The following CACNA1A variants were observed in gnomAD, a reference collection of about 807,000 sequenced individuals.
CACNA1A encodes the protein calcium voltage-gated channel subunit alpha1 A, also known as voltage-dependent P/Q-type calcium channel subunit alpha-1A.
In CACNA1A, 57 loss-of-function variants were observed where a neutral mutation model predicts 262.4. That is an observed-to-expected ratio of 0.22 (90% confidence interval 0.18 to 0.27). The LOEUF is 0.27. Among genes scored for constraint, CACNA1A ranks in the 10% least tolerant of loss-of-function variants. The pLI, the probability that CACNA1A is intolerant of heterozygous loss-of-function variation, is 1.00. For missense variants in CACNA1A, 2,526 were observed against 3,562.8 expected, an observed-to-expected ratio of 0.71 and a Z score of 7.41; for synonymous variants, 1,431 against 1,419.3, an observed-to-expected ratio of 1.01 and a Z score of -0.18.
At chr19:13,321,572 T>C (rs1415833826) in intron 10 of CACNA1A, among the ~76,000 whole-genome samples, 2 of 152,212 alleles carry the variant, frequency 1.3e-5, no homozygotes, top group Non-Finnish European at 2.9e-5. Flanking sequence ...ACACCCAGGC[T>C]ACGTGGTTTG....
intron 24 of CACNA1A, among the ~76,000 whole-genome samples, chr19:13,264,596 A>G (rs1225538759): frequency 1.3e-5 from 2 of 152,104 alleles, no homozygotes; most frequent in African/African-American, 4.8e-5. Flanking sequence ...CCCCAGCCAC[A>G]TTCTTTTGCC....
In CACNA1A at chr19:13,235,013, G is replaced by A. The variant is rs758409135; in HGVS notation, c.5157C>T (p.Asp1719=). The A allele has an allele frequency of 1.7e-5, 28 of 1,613,264 alleles. No homozygotes were observed. Among genetic ancestry groups the A allele is most frequent in the East Asian group, 6.7e-5 (3 of 44,884 alleles). ...GMQVFGNIGI[D]VEDEDSDEDE... Reference sequence around the variant, plus strand: ...CTTCATCACTGTCCTCGTCCTCCACGTCGATGCCAATGTTACCAAACACCT... The same window carrying A: ...CTTCATCACTGTCCTCGTCCTCCACATCGATGCCAATGTTACCAAACACCT... Residue 1719 remains aspartate (D), a synonymous_variant, in exon 34 of 47, where the codon GAC becomes GAT. Transcript: ENST00000360228.
At chr19:13,464,583 C>G (rs932196303) in intron 1 of CACNA1A, among the ~76,000 whole-genome samples, 2 of 123,780 alleles carry the variant, frequency 1.6e-5, no homozygotes. Flanking sequence ...GAGTCTTGCT[C>G]TTTCGCCCAG....
chr19:13,347,185 A>C (rs369427596), intron 6 of CACNA1A, among the ~76,000 whole-genome samples: 1 of 151,098 alleles, frequency 6.6e-6, no homozygotes, highest in African/African-American at 2.4e-5. Context: ...CAGCCTCTCA[A>C]GTAGCTGGGC....
intron 24 of CACNA1A, among the ~76,000 whole-genome samples, chr19:13,269,740 A>G (rs1184209217): frequency 6.6e-6 from 1 of 152,188 alleles, no homozygotes; most frequent in Non-Finnish European, 1.5e-5. Flanking sequence ...TTTATGGTAG[A>G]CGCATGGATA....
intron 46 of CACNA1A, among the ~76,000 whole-genome samples, chr19:13,208,521 G>A (rs1323129893): frequency 3.3e-5 from 5 of 150,882 alleles, no homozygotes; most frequent in African/African-American, 4.9e-5. Context: ...GGGCGGCGGG[G>A]AGGGGGCGGC....
chr19:13,207,528 C>T lies in CACNA1A; in HGVS notation c.7306G>A (p.Ala2436Thr), dbSNP rs754573556. Reference protein sequence around the residue: ...GEEAMAGAYDAPPPVRHASSG... With the variant: ...GEEAMAGAYDTPPPVRHASSG... ...GACGCGTGTCGTACGGGGGGTGGCG[C>T]GTCGTAGGCCCCGGCCATGGCCTCC... The change falls in exon 47 of 47, where the codon GCG becomes ACG. Residue 2436 changes from alanine (A) to threonine (T), a missense_variant. Ala to Thr is a moderately conservative substitution (Grantham distance 58, BLOSUM62 0). This residue lies in a region of CACNA1A where 929 missense variants were observed against 868.1 expected (regional missense o/e 1.07). Coordinates refer to ENST00000360228, the MANE Select transcript of CACNA1A (RefSeq NM_001127222.2). This position sits in a 1 kb window ranked among gnomAD's most constrained non-coding sequence, Gnocchi z 5.7. The T allele has an allele frequency of 5.8e-5, 83 of 1,435,020 alleles. No homozygotes were observed. Among genetic ancestry groups the T allele is most frequent in the Middle Eastern group, 2.1e-4 (1 of 4,680 alleles). The allele number at this position is 1,435,020 out of a possible 1,614,324, so 88.9% of individuals were successfully genotyped here.
At chr19:13,467,890 C>T (rs902246568) in intron 1 of CACNA1A, among the ~76,000 whole-genome samples, 1 of 152,110 alleles carries the variant, frequency 6.6e-6, no homozygotes. Flanking sequence ...CAGGCATGAG[C>T]CACCATACCC....
chr19:13,228,915 T>G (rs2055570335), intron 36 of CACNA1A: 1 of 524,082 alleles, frequency 1.9e-6, no homozygotes, highest in Admixed American at 3.5e-5. Flanking sequence ...TGGGAGAGAC[T>G]GGGGACAAGT....
intron 3 of CACNA1A, among the ~76,000 whole-genome samples, chr19:13,412,288 G>T (rs1405478578): frequency 2.0e-5 from 3 of 151,584 alleles, no homozygotes; most frequent in African/African-American, 7.3e-5. Flanking sequence ...TTGAACTCCT[G>T]GGCTCAAGCG....
At chr19:13,257,783 G>C (rs1232619834) in intron 27 of CACNA1A, 1 of 349,034 alleles carries the variant, frequency 2.9e-6, no homozygotes, top group Non-Finnish European at 5.2e-6. Flanking sequence ...CGTTGCCCAG[G>C]CTGGAGTGCA....
intron 3 of CACNA1A, among the ~76,000 whole-genome samples, chr19:13,376,875 TAACAC>T (rs2059427165): frequency 7.0e-6 from 1 of 142,420 alleles, no homozygotes; most frequent in Non-Finnish European, 1.6e-5. Context: ...GTGATATATA[TAACAC>T]ATGATATATG....
chr19:13,346,577 G>C (rs1264677445), intron 6 of CACNA1A, among the ~76,000 whole-genome samples: 1 of 134,448 alleles, frequency 7.4e-6, no homozygotes, highest in African/African-American at 2.8e-5. Context: ...GGGAGAGAAG[G>C]AGAGAAATGT....
chr19:13,259,831 A>T (rs1172703664), intron 26 of CACNA1A, 130 bp from the exon 27 acceptor site: 4 of 885,288 alleles, frequency 4.5e-6, no homozygotes, highest in Non-Finnish European at 7.0e-6. Flanking sequence ...GGAAGCAGTG[A>T]CTCCCCATCC....
In CACNA1A at chr19:13,330,302, C is replaced by T; in HGVS notation, c.1287G>A (p.Lys429=). The T allele has an allele frequency of 6.4e-7, 1 of 1,564,792 alleles. No homozygotes were observed. The highest frequency in any genetic ancestry group is 1.2e-5 in the South Asian group (1 of 84,854). The part of the protein sequence containing the change: ...ALRRTTIKKS[K]TDLLNPEEAE... ...CCTCTTCGGGGTTGAGCAAATCTGT[C>T]TTGCTTTTCTTTATGGTGGTTCTCC... is the stretch of plus-strand genomic sequence containing the variant. The change falls in exon 10 of 47, where the codon AAG becomes AAA. Residue 429 remains lysine, a synonymous_variant. Coordinates refer to ENST00000360228, the MANE Select transcript of CACNA1A (RefSeq NM_001127222.2).
At chr19:13,480,877 T>G (rs1317416646) in intron 1 of CACNA1A, among the ~76,000 whole-genome samples, 1 of 152,242 alleles carries the variant, frequency 6.6e-6, no homozygotes, top group African/African-American at 2.4e-5. Flanking sequence ...TTTCTGCCTA[T>G]GCTCTTGTAT....
At chr19:13,405,028 C>T (rs1026203891) in intron 3 of CACNA1A, among the ~76,000 whole-genome samples, 2 of 151,816 alleles carry the variant, frequency 1.3e-5, no homozygotes, top group African/African-American at 4.8e-5. Flanking sequence ...TCCTGAGTGG[C>T]TGGGATTACA....
At chr19:13,429,634 A>C (rs2060469626) in intron 3 of CACNA1A, among the ~76,000 whole-genome samples, 1 of 151,788 alleles carries the variant, frequency 6.6e-6, no homozygotes. Context: ...GTCTATATCC[A>C]AAAGAATTGA....
rs2145031444 is a variant in CACNA1A at position 13,312,882 on chromosome 19, T to C, written c.1556-101A>G. The C allele has an allele frequency of 1.4e-5, 8 of 574,614 alleles. No homozygotes were observed. In the Middle Eastern group the frequency reaches 1.3e-3, roughly 94 times the overall value. The allele number at this position is 574,614 out of a possible 1,614,324, so 35.6% of individuals were successfully genotyped here. On this transcript the variant is annotated intron_variant, in intron 11 of 46. Transcript: ENST00000360228. ...CTTTTATTATCATTTTTAAACTTTTTATTTTTTGTAGAGATGAGGTCTTGC... is the reference window on the plus strand; with the variant it reads ...CTTTTATTATCATTTTTAAACTTTTCATTTTTTGTAGAGATGAGGTCTTGC...
Sources: gnomAD v4.1 joint callset for allele counts (sites outside exome capture counted in the v4.1 genomes callset) on GRCh38, gnomAD v4.1.1 for gene constraint, gnomAD v4.1.1 regional missense constraint, Gnocchi (gnomAD v3.1) non-coding constraint, MANE v1.5 for transcripts, NCBI Gene and HGNC (gene_info 2026-07-23, HGNC 2026-07-21) for gene names.